LRRFIP1: variants seen among roughly 807,000 people sequenced by gnomAD.
LRRFIP1 encodes the protein leucine-rich repeat flightless-interacting protein 1.
LRRFIP1 carries 62 observed loss-of-function variants against 104.4 expected under a neutral mutation model. The ratio of observed to expected loss-of-function variants is 0.59; its 90% CI spans 0.48 to 0.73. LRRFIP1 has a LOEUF of 0.73. Among genes scored for constraint, LRRFIP1 ranks in the 30% least tolerant of loss-of-function variants. The probability of loss-of-function intolerance (pLI) is 0.00; values close to 1 mark genes in which losing one functional copy is unlikely to be tolerated. For missense variants in LRRFIP1, 796 were observed against 824.5 expected, an observed-to-expected ratio of 0.97 and a Z score of 0.42; for synonymous variants, 300 against 299.0, an observed-to-expected ratio of 1.00 and a Z score of -0.03.
At chr2:237,720,005 T>C (rs1306354548) in intron 5 of LRRFIP1, among the ~76,000 whole-genome samples, 1 of 146,518 alleles carries the variant, frequency 6.8e-6, no homozygotes, top group Non-Finnish European at 1.5e-5. Context: ...TAGAATGCAG[T>C]GGTGCGGTTT....
At position 237,627,634 on chromosome 2, in the gene LRRFIP1, C is replaced by A. The variant is rs1282904330; in HGVS notation, c.-11C>A. Reference sequence around the variant, plus strand: ...CAACGGGCCCCGCGGCAGCTGCGGGCGACGCGGTCGATGGACATGGGCACC... The same window carrying A: ...CAACGGGCCCCGCGGCAGCTGCGGGAGACGCGGTCGATGGACATGGGCACC... On this transcript the variant is annotated 5_prime_UTR_variant, in exon 1 of 24. Transcript: ENST00000308482. 2.3e-6 allele frequency: 3 copies of A among 1,304,286 alleles called. No individual in the cohort carries two copies. The highest frequency in any genetic ancestry group is 1.8e-5 in the South Asian group (1 of 54,318). The allele number at this position is 1,304,286 out of a possible 1,614,324, so 80.8% of individuals were successfully genotyped here. A position where few individuals can be genotyped will look rare whatever the true frequency, so the allele number is the denominator to read the frequency against.
chr2:237,774,117 C>A, intron 22 of LRRFIP1: 1 of 478,868 alleles, frequency 2.1e-6, no homozygotes, highest in Non-Finnish European at 3.8e-6. Context: ...GCAGAAACCA[C>A]CCTGGTGGAC....
rs2150054902 is a variant in LRRFIP1 at position 237,711,191 on chromosome 2, A to T, written c.183+2561A>T. On this transcript the variant is annotated intron_variant, in intron 2 of 23. Coordinates refer to ENST00000308482, the MANE Select transcript of LRRFIP1 (RefSeq NM_001137550.2). The surrounding 1 kb of genome is among the most constrained non-coding windows in gnomAD (Gnocchi z 4.4). ...AGGGCAGCCCTCACTGATGCTTCTG[A>T]TGAGCACAGGCCTTGCGGAGAACAT... Among the ~76,000 whole-genome samples the T allele has an allele frequency of 6.6e-6, 1 of 152,362 alleles. No homozygotes were observed. Among genetic ancestry groups the T allele is most frequent in the African/African-American group, 2.4e-5 (1 of 41,584 alleles).
intron 14 of LRRFIP1, 49 bp from the exon 15 acceptor site, chr2:237,753,260 G>A (rs2058854466): frequency 4.9e-6 from 7 of 1,438,540 alleles, no homozygotes; most frequent in Middle Eastern, 1.8e-4. Context: ...ATGATTCTTT[G>A]TTTTGATTTT....
intron 11 of LRRFIP1, among the ~76,000 whole-genome samples, chr2:237,742,311 G>T (rs1191462172): frequency 6.6e-6 from 1 of 152,186 alleles, no homozygotes; most frequent in Non-Finnish European, 1.5e-5. Flanking sequence ...TTGCGGGCTG[G>T]TTGGCACGCT....
At chr2:237,708,079 G>A (rs1311189467) in intron 1 of LRRFIP1, among the ~76,000 whole-genome samples, 1 of 152,242 alleles carries the variant, frequency 6.6e-6, no homozygotes, top group Admixed American at 6.5e-5. Context: ...TCTGTAAAGC[G>A]AGGGGTTGAA....
chr2:237,636,198 C>T (rs2083081272), intron 1 of LRRFIP1, among the ~76,000 whole-genome samples: 1 of 151,582 alleles, frequency 6.6e-6, no homozygotes, highest in South Asian at 2.1e-4. Context: ...ATTGAGCATT[C>T]ATTGGGTTCA....
Position 237,691,583 on chromosome 2 carries a change from C to T in LRRFIP1, c.97-16961C>T, listed in dbSNP as rs1035341476. 1.3e-5 allele frequency among the ~76,000 whole-genome samples: 2 copies of T among 152,202 alleles called. No individual in the cohort carries two copies. The highest frequency in any genetic ancestry group is 1.3e-4 in the Admixed American group (2 of 15,288). ...TGGGGTGCCCGGCCGGCAGGTGCAG[C>T]GGTGCTGGGGCCTAGGCTTCCGCGT... On this transcript the variant is annotated intron_variant, in intron 1 of 23. Coordinates refer to ENST00000308482, the MANE Select transcript of LRRFIP1 (RefSeq NM_001137550.2). The surrounding 1 kb of genome is among the most constrained non-coding windows in gnomAD (Gnocchi z 5.4).
chr2:237,627,593 G>A lies in LRRFIP1; in HGVS notation c.-52G>A. The A allele has an allele frequency of 9.2e-7, 1 of 1,088,252 alleles. No homozygotes were observed. The highest frequency in any genetic ancestry group is 1.1e-6 in the Non-Finnish European group (1 of 875,548). The allele number at this position is 1,088,252 out of a possible 1,614,324, so 67.4% of individuals were successfully genotyped here. A position where few individuals can be genotyped will look rare whatever the true frequency, so the allele number is the denominator to read the frequency against. ...CCGGGGCCGGGGCCGGGCCGGGGCGGCGCGAGCGGCTGGAGCAACGGGCCC... is the reference window on the plus strand; with the variant it reads ...CCGGGGCCGGGGCCGGGCCGGGGCGACGCGAGCGGCTGGAGCAACGGGCCC... On this transcript the variant is annotated 5_prime_UTR_variant, in exon 1 of 24. Coordinates refer to ENST00000308482, the MANE Select transcript of LRRFIP1 (RefSeq NM_001137550.2).
chr2:237,758,166 C>T (rs1043654882), intron 17 of LRRFIP1, among the ~76,000 whole-genome samples: 6 of 139,406 alleles, frequency 4.3e-5, no homozygotes, highest in Non-Finnish European at 7.7e-5. Flanking sequence ...CACAAACCAT[C>T]GGCACGTTGA....
chr2:237,749,064 C>A, intron 12 of LRRFIP1, 135 bp from the exon 13 acceptor site: 2 of 825,974 alleles, frequency 2.4e-6, no homozygotes, highest in Non-Finnish European at 3.7e-6. Flanking sequence ...GGGGAAACTG[C>A]CCCCGTGATC....
intron 19 of LRRFIP1, chr2:237,762,990 C>G (rs756917355): frequency 1.2e-6 from 2 of 1,614,212 alleles, no homozygotes; most frequent in East Asian, 4.5e-5. Flanking sequence ...GTGGGAGAGG[C>G]AGCAGTGACT....
chr2:237,751,550 T>TA (rs2058635288), intron 14 of LRRFIP1, among the ~76,000 whole-genome samples: 1 of 152,242 alleles, frequency 6.6e-6, no homozygotes, highest in Admixed American at 6.5e-5. Context: ...CCCCCAGGCT[T>TA]AAAACCAGTT....
At chr2:237,639,639 A>G (rs1030908293) in intron 1 of LRRFIP1, among the ~76,000 whole-genome samples, 1 of 152,164 alleles carries the variant, frequency 6.6e-6, no homozygotes, top group African/African-American at 2.4e-5. Context: ...GCCTATTTTT[A>G]ACCAATGCCT....
chr2:237,706,848 G>A (rs575349097), intron 1 of LRRFIP1, among the ~76,000 whole-genome samples: 4 of 152,220 alleles, frequency 2.6e-5, no homozygotes, highest in East Asian at 1.9e-4. Context: ...GGCTGGTCTC[G>A]AACTCTTGAC....
At chr2:237,670,176 G>A (rs2149534020) in intron 1 of LRRFIP1, among the ~76,000 whole-genome samples, 1 of 152,372 alleles carries the variant, frequency 6.6e-6, no homozygotes, top group East Asian at 1.9e-4. Flanking sequence ...CTGCTGTCAT[G>A]AGAACACAGC....
At chr2:237,706,864 G>A (rs1297841493) in intron 1 of LRRFIP1, among the ~76,000 whole-genome samples, 2 of 152,182 alleles carry the variant, frequency 1.3e-5, no homozygotes, top group Non-Finnish European at 2.9e-5. Flanking sequence ...TTGACCTCAA[G>A]AGATCCTACC....
chr2:237,690,797 G>C (rs1379919813), intron 1 of LRRFIP1, among the ~76,000 whole-genome samples: 1 of 152,040 alleles, frequency 6.6e-6, no homozygotes, highest in Admixed American at 6.5e-5. Flanking sequence ...AAGCGTTACA[G>C]GGAGAAAACA....
chr2:237,681,507 C>T (rs1023561093), intron 1 of LRRFIP1, among the ~76,000 whole-genome samples: 2 of 151,658 alleles, frequency 1.3e-5, no homozygotes, highest in Admixed American at 6.6e-5. Flanking sequence ...GCTGGCATTA[C>T]AGGCCCATGC....
Sources: gnomAD v4.1 joint callset for allele counts (sites outside exome capture counted in the v4.1 genomes callset) on GRCh38, gnomAD v4.1.1 for gene constraint, Gnocchi (gnomAD v3.1) non-coding constraint, MANE v1.5 for transcripts, NCBI Gene and HGNC (gene_info 2026-07-23, HGNC 2026-07-21) for gene names.